The following NTN5 variants were observed in gnomAD, a reference collection of about 807,000 sequenced individuals.
NTN5 encodes netrin-5.
NTN5 carries 42 observed loss-of-function variants against 38.7 expected under a neutral mutation model. That is an observed-to-expected ratio of 1.08 (90% CI 0.85 to 1.40). The LOEUF is 1.40. NTN5 is among the 40% of genes most tolerant of loss of function. The probability of loss-of-function intolerance (pLI) is 0.00; values close to 1 mark genes in which losing one functional copy is unlikely to be tolerated. For synonymous variants in NTN5, 329 were observed against 303.9 expected (o/e 1.08, Z -0.86); for missense variants, 658 against 716.5 (o/e 0.92, Z 0.93).
intron 2 of NTN5, among the ~76,000 whole-genome samples, chr19:48,669,085 TCACCAC>T (rs1318885634): frequency 9.1e-4 from 73 of 80,598 alleles, no homozygotes; most frequent in African/African-American, 3.3e-3. Flanking sequence ...ATCACCATCA[TCACCAC>T]CACCATCACC....
Position 48,663,772 on chromosome 19 carries a change from G to A in NTN5, c.1013C>T (p.Ala338Val). 1 of 1,614,068 alleles carries A rather than the reference G, an allele frequency of 6.2e-7. No homozygotes were observed. The highest frequency in any genetic ancestry group is 1.1e-5 in the South Asian group (1 of 91,080). The part of the protein sequence containing the change: ...ATTTLATTPG[A>V]YSSDPQCQNY... ...CCAGACTGTCTTACCAGAGCTATAA[G>A]CACCAGGAGTAGTGGCAAGGGTGGT... The change falls in exon 5 of 7, where the codon GCT (alanine) becomes GTT (valine). Residue 338 changes from alanine (A) to valine (V), a missense_variant. By Grantham distance (64) the Ala-to-Val change is moderately conservative (BLOSUM62 0). Coordinates refer to ENST00000270235, the MANE Select transcript of NTN5 (RefSeq NM_145807.4).
At chr19:48,672,590 C>T (rs935593089) in intron 1 of NTN5, among the ~76,000 whole-genome samples, 5 of 152,188 alleles carry the variant, frequency 3.3e-5, no homozygotes, top group African/African-American at 1.2e-4. Context: ...AGGTGGCAGC[C>T]GCCTGCCTGG....
chr19:48,670,559 C>A lies in NTN5; in HGVS notation c.428G>T (p.Gly143Val). ...AGCTGCCGCTAGCCCGGCCTGGCCC[C>A]CAAACTCCACACGGAGGTGGCTGGC... Reference protein sequence around the residue: ...VAASHLRVEFGGQAGLAAAGL... With the variant: ...VAASHLRVEFVGQAGLAAAGL... Residue 143 changes from glycine to valine, a missense_variant, in exon 2 of 7, where the codon GGG (glycine) becomes GTG (valine). Transcript: ENST00000270235. The A allele has an allele frequency of 6.5e-7, 1 of 1,536,648 alleles. No individual in the cohort carries two copies. The highest frequency in any genetic ancestry group is 2.1e-5 in the Admixed American group (1 of 48,660).
chr19:48,662,106 G>A (rs140137874), intron 6 of NTN5, 65 bp from the exon 7 acceptor site: 3 of 1,346,900 alleles, frequency 2.2e-6, no homozygotes, highest in Non-Finnish European at 2.9e-6. Flanking sequence ...GGGTCCCGTG[G>A]GGTCAGTCAC....
At chr19:48,669,420 T>C (rs140124382) in intron 2 of NTN5, among the ~76,000 whole-genome samples, 4 of 17,340 alleles carry the variant, frequency 2.3e-4, no homozygotes, top group Non-Finnish European at 3.4e-4. Context: ...ACCACCACCA[T>C]CACCACCATC....
chr19:48,664,548 C>G (rs778458958), intron 3 of NTN5, 31 bp downstream of exon 3: 31 of 1,544,628 alleles, frequency 2.0e-5, no homozygotes, highest in African/African-American at 2.8e-5. Flanking sequence ...TACCTCTGCT[C>G]CCCCCAGGCC....
chr19:48,667,997 A>C (rs1234938277), intron 2 of NTN5, among the ~76,000 whole-genome samples: 1 of 152,120 alleles, frequency 6.6e-6, no homozygotes, highest in East Asian at 1.9e-4. Context: ...ACCCTGTACC[A>C]AGTGTCTCAG....
chr19:48,663,554 T>C lies in NTN5; in HGVS notation c.1025-11A>G, dbSNP rs1244342047. 4.3e-6 allele frequency: 7 copies of C among 1,613,388 alleles called. No homozygotes were observed. The highest frequency in any genetic ancestry group is 5.9e-6 in the Non-Finnish European group (7 of 1,179,606). ...TTTGACACTGAGGGTCTGGGGAGGGTCAGGCTGTCTGCAGTGGGCTCCTGG... is the reference window on the plus strand; with the variant it reads ...TTTGACACTGAGGGTCTGGGGAGGGCCAGGCTGTCTGCAGTGGGCTCCTGG... On this transcript the variant is annotated splice_polypyrimidine_tract_variant and intron_variant, in intron 5 of 6. Coordinates refer to ENST00000270235, the MANE Select transcript of NTN5 (RefSeq NM_145807.4).
chr19:48,664,376 T>C, intron 3 of NTN5, 84 bp from the exon 4 acceptor site: 1 of 1,509,384 alleles, frequency 6.6e-7, no homozygotes, highest in Non-Finnish European at 9.0e-7. Context: ...TCCCTCAGCC[T>C]GGGGAGTCCA....
intron 2 of NTN5, among the ~76,000 whole-genome samples, chr19:48,666,186 G>A (rs2031700018): frequency 6.6e-6 from 1 of 152,180 alleles, no homozygotes; most frequent in Admixed American, 6.5e-5. Context: ...GGTAGTTGGA[G>A]GCAGGACTTA....
chr19:48,669,715 T>C (rs201049556), intron 2 of NTN5, among the ~76,000 whole-genome samples: 150 of 40,114 alleles, frequency 3.7e-3, no homozygotes, highest in East Asian at 7.1e-3. Context: ...ATCACCACCA[T>C]CACCACCACC....
intron 1 of NTN5, 44 bp from the exon 2 acceptor site, chr19:48,671,050 C>A: frequency 2.1e-6 from 3 of 1,402,118 alleles, no homozygotes; most frequent in Non-Finnish European, 2.8e-6. Flanking sequence ...TCAGCCGCAG[C>A]CTCTACCCCT....
At chr19:48,667,401 A>C (rs781097551) in intron 2 of NTN5, 18 of 426,970 alleles carry the variant, frequency 4.2e-5, no homozygotes, top group Admixed American at 7.6e-5. Context: ...CCCTCAGGAC[A>C]GCCTCCCCAG....
At chr19:48,671,835 G>A (rs1025143591) in intron 1 of NTN5, among the ~76,000 whole-genome samples, 6 of 58,176 alleles carry the variant, frequency 1.0e-4, no homozygotes, top group Non-Finnish European at 1.9e-4. Context: ...CACCCCCAGC[G>A]CCCCACCCTT....
At chr19:48,665,265 A>C (rs1185589371) in intron 2 of NTN5, among the ~76,000 whole-genome samples, 1 of 151,196 alleles carries the variant, frequency 6.6e-6, no homozygotes, top group East Asian at 2.0e-4. Flanking sequence ...GCGAAAACCC[A>C]TCTCTACTAA....
intron 2 of NTN5, among the ~76,000 whole-genome samples, chr19:48,669,706 TCACCACCATCACCACCAC>T (rs2031865273): frequency 1.5e-4 from 6 of 39,962 alleles, no homozygotes; most frequent in East Asian, 1.2e-3. Context: ...ATCATCACCA[TCACCACCATCACCACCAC>T]CACCACCATC....
intron 2 of NTN5, among the ~76,000 whole-genome samples, chr19:48,669,192 T>C (rs992976545): frequency 8.4e-4 from 16 of 19,042 alleles, no homozygotes; most frequent in East Asian, 2.6e-3. Context: ...ACCACCATCA[T>C]CACCACCATC....
intron 2 of NTN5, among the ~76,000 whole-genome samples, chr19:48,669,751 TCACCATCGTCACCACTACCATCACCATCA>T (rs2031872087): frequency 7.3e-5 from 4 of 55,058 alleles, no homozygotes; most frequent in Non-Finnish European, 6.9e-5. Context: ...ACCACCACCA[TCACCATCGTCACCACTACCATCACCATCA>T]CACCACCACC....
In NTN5 at chr19:48,671,121, G is replaced by A. The variant is rs954079558; in HGVS notation, c.-20-115C>T. On this transcript the variant is annotated intron_variant, in intron 1 of 6. Coordinates refer to ENST00000270235, the MANE Select transcript of NTN5 (RefSeq NM_145807.4). ...CCCAACCCGTCCAGGCCCCCTCCCC[G>A]GCTGCATGGAAGCGAGGAAAATAGT... 13 of 683,360 alleles carry A rather than the reference G, an allele frequency of 1.9e-5. No individual in the cohort carries two copies. The Admixed American group carries it at 2.1e-4, about 11-fold the overall frequency. The allele number at this position is 683,360 out of a possible 1,614,324, so 42.3% of individuals were successfully genotyped here.
Sources: allele counts gnomAD v4.1 joint callset (sites outside exome capture counted in the v4.1 genomes callset), GRCh38; gene constraint gnomAD v4.1.1; transcripts MANE v1.5; gene names NCBI Gene and HGNC (gene_info 2026-07-23, HGNC 2026-07-21).